The following TOX2 variants were observed in gnomAD, a reference collection of about 807,000 sequenced individuals.
TOX2 encodes the protein TOX high mobility group box family member 2.
Under a neutral mutation model 47.4 loss-of-function variants are expected in TOX2, and 15 were observed. That is an observed-to-expected ratio of 0.32 (90% CI 0.21 to 0.49). TOX2 has a LOEUF of 0.49. Among genes scored for constraint, TOX2 ranks in the 20% least tolerant of loss-of-function variants. TOX2 has a pLI of 0.99. For synonymous variants in TOX2, 290 were observed against 296.6 expected, an observed-to-expected ratio of 0.98 and a Z score of 0.23; for missense variants, 622 against 673.1, an observed-to-expected ratio of 0.92 and a Z score of 0.84.
intron 2 of TOX2, among the ~76,000 whole-genome samples, chr20:43,986,612 C>T (rs781364323): frequency 6.6e-6 from 1 of 152,024 alleles, no homozygotes; most frequent in Non-Finnish European, 1.5e-5. Flanking sequence ...ATACTCCCAC[C>T]GAAACGGAGA....
In TOX2 at chr20:44,066,003, A is replaced by G. The variant is rs756319898; in HGVS notation, c.1252A>G (p.Ser418Gly). The part of the protein sequence containing the change: ...LPPHAQGALL[S>G]PPVSMSPAPQ... The stretch of plus-strand genomic sequence containing the variant: ...CCCTCACGCCCAGGGCGCCCTCCTC[A>G]GTCCACCTGTTAGCATGTCCCCAGC... The change falls in exon 7 of 9, where the codon AGT (serine) becomes GGT (glycine). Residue 418 changes from serine (S) to glycine (G), a missense_variant. By Grantham distance (56) the Ser-to-Gly change is moderately conservative (BLOSUM62 0). Around this residue, in one of 3 missense-constraint regions of TOX2, gnomAD observed 294 missense variants for 300.0 expected, o/e 0.98. Coordinates refer to ENST00000341197, the MANE Select transcript of TOX2 (RefSeq NM_001098797.2). 1.2e-6 allele frequency: 2 copies of G among 1,612,552 alleles called. No individual in the cohort carries two copies. The highest frequency in any genetic ancestry group is 1.3e-5 in the African/African-American group (1 of 74,986).
intron 3 of TOX2, among the ~76,000 whole-genome samples, chr20:44,026,228 G>GATATATATAGATATATATAT (rs2071060195): frequency 1.0e-4 from 6 of 60,244 alleles, no homozygotes; most frequent in Non-Finnish European, 1.6e-4. Context: ...AAGAAACTGT[G>GATATATATAGATATATATAT]ATATATATAT....
chr20:44,032,097 G>A (rs1308232186), intron 3 of TOX2, among the ~76,000 whole-genome samples: 9 of 152,122 alleles, frequency 5.9e-5, no homozygotes, highest in African/African-American at 1.9e-4. Context: ...GCAGGGGAGC[G>A]GGTTGCAGTA....
chr20:44,047,875 A>T (rs1281777828), intron 3 of TOX2, among the ~76,000 whole-genome samples: 3 of 32 alleles, frequency 0.094, 1 homozygote, highest in Non-Finnish European at 0.12. Context: ...AAAAAAAAAA[A>T]AAAAAAAAAT....
chr20:43,948,034 G>A (rs575755887), intron 1 of TOX2, among the ~76,000 whole-genome samples: 8 of 152,304 alleles, frequency 5.3e-5, no homozygotes, highest in Non-Finnish European at 1.0e-4. Flanking sequence ...ACCTCTCTCA[G>A]CCAGAGCTTC....
At chr20:43,939,787 A>C (rs1001127772) in intron 1 of TOX2, among the ~76,000 whole-genome samples, 2 of 152,198 alleles carry the variant, frequency 1.3e-5, no homozygotes. Flanking sequence ...TTGTCTAAGG[A>C]TTAAAGAGAT....
rs1037179885 is a variant in TOX2, at chr20:43,956,565, A to G, written c.100-16802A>G. Among the ~76,000 whole-genome samples, 224 of 142,526 alleles carry G rather than the reference A, an allele frequency of 1.6e-3. 3 individuals carry two copies. Among genetic ancestry groups the G allele is most frequent in the African/African-American group, 5.7e-3 (207 of 36,498 alleles). 93.5% of individuals were successfully genotyped at this position (142,526 alleles called of 152,430 possible). ...GAGAGTAAGGTTCTATCTTTAAAAA[A>G]AAAAAAAAAAAAAAAAGACTGTTTT... On this transcript the variant is annotated intron_variant, in intron 1 of 8. Transcript: ENST00000341197.
At chr20:43,964,071 A>G (rs978516751) in intron 1 of TOX2, among the ~76,000 whole-genome samples, 2 of 152,134 alleles carry the variant, frequency 1.3e-5, no homozygotes, top group African/African-American at 4.8e-5. Flanking sequence ...TGCAGATGAG[A>G]AAACTGAGAC....
chr20:44,026,609 C>A (rs2071072540), intron 3 of TOX2, among the ~76,000 whole-genome samples: 1 of 151,972 alleles, frequency 6.6e-6, no homozygotes, highest in Admixed American at 6.6e-5. Flanking sequence ...ATAAAATAAA[C>A]CGTAATAAAC....
intron 2 of TOX2, among the ~76,000 whole-genome samples, chr20:44,003,051 C>T (rs184014230): frequency 5.9e-5 from 9 of 152,310 alleles, no homozygotes; most frequent in African/African-American, 1.9e-4. Context: ...CCCAAGCTGC[C>T]TGGCTCCTAA....
intron 3 of TOX2, chr20:44,039,355 G>A: frequency 7.9e-7 from 1 of 1,258,718 alleles, no homozygotes; most frequent in Admixed American, 2.4e-5. Context: ...AGATCCTCAT[G>A]GAGCATTTTA....
chr20:44,020,054 G>T (rs182371313), intron 3 of TOX2, among the ~76,000 whole-genome samples: 1 of 152,210 alleles, frequency 6.6e-6, no homozygotes, highest in East Asian at 1.9e-4. Context: ...CCAGCTGTGC[G>T]ACCTCAGCCA....
At chr20:43,945,466 T>A (rs556831173) in intron 1 of TOX2, among the ~76,000 whole-genome samples, 1 of 152,326 alleles carries the variant, frequency 6.6e-6, no homozygotes, top group South Asian at 2.1e-4. Flanking sequence ...ATGCACTGAG[T>A]ACAGGTATTT....
intron 2 of TOX2, among the ~76,000 whole-genome samples, chr20:43,983,012 T>C (rs1442076664): frequency 2.0e-5 from 3 of 151,900 alleles, no homozygotes; most frequent in Non-Finnish European, 4.4e-5. Flanking sequence ...TTCTGGGGAC[T>C]TACACATGAG....
At chr20:44,024,409 T>TTTATGC (rs33948525) in intron 3 of TOX2, among the ~76,000 whole-genome samples, 1 of 14,390 alleles carries the variant, frequency 6.9e-5, no homozygotes, top group Non-Finnish European at 1.5e-4. Flanking sequence ...GTTTTCCCTC[T>TTTATGC]TTATGAATCC....
At chr20:44,001,105 G>A (rs2070573473) in intron 2 of TOX2, among the ~76,000 whole-genome samples, 1 of 152,186 alleles carries the variant, frequency 6.6e-6, no homozygotes, top group Non-Finnish European at 1.5e-5. Flanking sequence ...AACTGGCAAA[G>A]CTCTTACGAC....
intron 2 of TOX2, among the ~76,000 whole-genome samples, chr20:43,996,885 A>G (rs562784532): frequency 1.3e-5 from 2 of 152,260 alleles, no homozygotes; most frequent in East Asian, 1.9e-4. Flanking sequence ...AATACATGAG[A>G]GTTACAGCAC....
At chr20:43,982,447 G>C (rs1381555359) in intron 2 of TOX2, among the ~76,000 whole-genome samples, 1 of 152,148 alleles carries the variant, frequency 6.6e-6, no homozygotes, top group East Asian at 1.9e-4. Flanking sequence ...GCTGCTTTTA[G>C]AGAGAAGACG....
intron 3 of TOX2, among the ~76,000 whole-genome samples, chr20:44,013,037 G>A (rs1423203120): frequency 1.3e-5 from 2 of 152,218 alleles, no homozygotes; most frequent in Non-Finnish European, 2.9e-5. Context: ...GTTGCCACTT[G>A]ACCACCTTGC....
Sources: allele counts gnomAD v4.1 joint callset (sites outside exome capture counted in the v4.1 genomes callset), GRCh38; gene constraint gnomAD v4.1.1; regional missense constraint gnomAD v4.1.1; transcripts MANE v1.5; gene names NCBI Gene and HGNC (gene_info 2026-07-23, HGNC 2026-07-21).